Variants in NEB observed in about 807,000 individuals in gnomAD.
NEB encodes nebulin, also known as nemaline myopathy type 2.
Under a neutral mutation model 952.2 loss-of-function variants are expected in NEB, and 512 were observed. The observed-to-expected ratio is 0.54, with a 90% CI of 0.50 to 0.58. The LOEUF is 0.58. Ranked by LOEUF, NEB falls within the 20% of genes least tolerant of loss-of-function variation. The pLI is 0.00. For synonymous variants in NEB, 2,900 were observed against 3,149.8 expected, an observed-to-expected ratio of 0.92 and a Z score of 2.66; for missense variants, 8,428 against 9,231.1, an observed-to-expected ratio of 0.91 and a Z score of 3.56.
chr2:151,626,932 AC>A, intron 70 of NEB, 69 bp downstream of exon 70: 2 of 1,548,012 alleles, frequency 1.3e-6, no homozygotes, highest in South Asian at 2.3e-5. Context: ...AAAGAGACTA[AC>A]TTAATTAACA....
In NEB at chr2:151,592,147, A is replaced by T. The variant is rs1274123930; in HGVS notation, c.14722-9T>A. 2 of 1,549,556 alleles carry T rather than the reference A, an allele frequency of 1.3e-6. No homozygotes were observed. Among genetic ancestry groups the T allele is most frequent in the Admixed American group, 3.9e-5 (2 of 51,008 alleles). ...GCATTGCGATACAATGGCTGGGAAAAATGAAAAACGATGGAATGGTCAATT... is the reference window on the plus strand; with the variant it reads ...GCATTGCGATACAATGGCTGGGAAATATGAAAAACGATGGAATGGTCAATT... On this transcript the variant is annotated splice_polypyrimidine_tract_variant and intron_variant, in intron 94 of 181. Coordinates refer to ENST00000397345, the MANE Select transcript of NEB (RefSeq NM_001164508.2).
Position 151,553,896 on chromosome 2 carries a change from C to T in NEB, c.19558G>A (p.Glu6520Lys), listed in dbSNP as rs753229810. Residue 6520 changes from glutamate to lysine, a missense_variant, in exon 126 of 182, where the codon GAA becomes AAA. Glu to Lys is a moderately conservative substitution (Grantham distance 56). Transcript: ENST00000397345. The stretch of plus-strand genomic sequence containing the variant: ...TGCAAGTCGGGGTGGCAAATCCATT[C>T]GTGGAGGCGCAGGCGGTAATCAATC... Reference protein sequence around the residue: ...SEIDYRLRLHEWICHPDLQVN... With the variant: ...SEIDYRLRLHKWICHPDLQVN... The T allele has an allele frequency of 5.6e-6, 9 of 1,613,810 alleles. No individual in the cohort carries two copies. Among genetic ancestry groups the T allele is most frequent in the South Asian group, 1.1e-5 (1 of 91,068 alleles).
Position 151,688,323 on chromosome 2 carries a change from T to C in NEB, c.2384A>G (p.Gln795Arg). 2.5e-6 allele frequency: 4 copies of C among 1,613,850 alleles called. No homozygotes were observed. Residue 795 changes from glutamine (Q) to arginine (R), a missense_variant, in exon 25 of 182, where the codon CAA becomes CGA. Around this residue, in one of 11 missense-constraint regions of NEB, gnomAD observed 2,851 missense variants for 2,791.5 expected, o/e 1.02. Transcript: ENST00000397345. ...CAGATTATAGGCATTGACTCTGTGT[T>C]GGATAAACTGTGGAGCATCTGCTGG... ...HIPADAPQFI[Q>R]HRVNAYNLSD...
At position 151,650,594 on chromosome 2, in the gene NEB, C is replaced by T. The variant is rs2099019975; in HGVS notation, c.7207G>A (p.Val2403Ile). 1.3e-6 allele frequency: 2 copies of T among 1,579,388 alleles called. No homozygotes were observed. Among genetic ancestry groups the T allele is most frequent in the Non-Finnish European group, 1.7e-6 (2 of 1,163,942 alleles). ...DQNDVVQAKK[V>I]YELQSENLYK... ...CTGACCTCACTTTGCAGTTCATAAA[C>T]TTTCTTAGCTTGCACAACATCGTTC... Residue 2403 changes from valine (V) to isoleucine (I), a missense_variant, in exon 53 of 182, where the codon GTT becomes ATT. Coordinates refer to ENST00000397345, the MANE Select transcript of NEB (RefSeq NM_001164508.2).
At chr2:151,551,893 G>C (rs995113648) in intron 128 of NEB, 48 bp from the exon 129 acceptor site, 24 of 1,370,328 alleles carry the variant, frequency 1.8e-5, no homozygotes, top group Non-Finnish European at 2.4e-5. Context: ...TGGGAACCCA[G>C]GTTCCTCTTT....
intron 52 of NEB, among the ~76,000 whole-genome samples, chr2:151,653,768 A>G (rs550671525): frequency 5.0e-4 from 76 of 152,254 alleles, no homozygotes; most frequent in Non-Finnish European, 8.7e-4. Flanking sequence ...ATCTTACTCT[A>G]ATGGATCTTA....
chr2:151,730,383 T>C (rs1202121581), intron 3 of NEB, among the ~76,000 whole-genome samples: 1 of 152,128 alleles, frequency 6.6e-6, no homozygotes, highest in African/African-American at 2.4e-5. Context: ...GCCTGCATGA[T>C]GGATCTGCAG....
In NEB at chr2:151,583,936, T is replaced by G. The variant is rs1210216429; in HGVS notation, c.15664-170A>C. Among the ~76,000 whole-genome samples the G allele has an allele frequency of 9.4e-5, 12 of 128,242 alleles. 1 individual carries two copies. The highest frequency in any genetic ancestry group is 8.6e-4 in the Admixed American group (11 of 12,820). 84.1% of individuals were successfully genotyped at this position (128,242 alleles called of 152,430 possible). The stretch of plus-strand genomic sequence containing the variant: ...TTTAAAGAAGTTAGATAATACGATT[T>G]TGGGTCATTTCAGAGAGGACATGAG... On this transcript the variant is annotated intron_variant, in intron 100 of 181. Coordinates refer to ENST00000397345, the MANE Select transcript of NEB (RefSeq NM_001164508.2).
rs775336786 is a variant in NEB, at chr2:151,650,616, G to A, written c.7185C>T (p.Asn2395=). 34 of 1,605,948 alleles carry A rather than the reference G, an allele frequency of 2.1e-5. No individual in the cohort carries two copies. The highest frequency in any genetic ancestry group is 2.7e-5 in the African/African-American group (2 of 74,722). The change falls in exon 53 of 182, where the codon AAC becomes AAT. Residue 2395 remains asparagine (N), a synonymous_variant. Coordinates refer to ENST00000397345, the MANE Select transcript of NEB (RefSeq NM_001164508.2). ...AAACTTTCTTAGCTTGCACAACATC[G>A]TTCTGATCAGGCAGACATGTCCACT... The part of the protein sequence containing the change: ...LHQWTCLPDQ[N]DVVQAKKVYE...
intron 157 of NEB, 40 bp from the exon 158 acceptor site, chr2:151,514,968 C>G: frequency 1.5e-6 from 2 of 1,303,682 alleles, no homozygotes; most frequent in Non-Finnish European, 2.2e-6. Flanking sequence ...AAAAAAAAAT[C>G]TTTATTACAA....
At chr2:151,500,540 TA>T (rs1364834917) in intron 168 of NEB, among the ~76,000 whole-genome samples, 4 of 151,608 alleles carry the variant, frequency 2.6e-5, no homozygotes, top group Admixed American at 6.6e-5. Context: ...CCTGGATTTC[TA>T]TTCATGAAAT....
chr2:151,570,013 T>A (rs879372790), intron 109 of NEB, 68 bp downstream of exon 109: 16 of 1,432,438 alleles, frequency 1.1e-5, no homozygotes, highest in African/African-American at 2.8e-5. Context: ...AAGGGGTTAG[T>A]GTCATAAACT....
At chr2:151,660,039 AC>A (rs2099129409) in intron 46 of NEB, among the ~76,000 whole-genome samples, 1 of 152,152 alleles carries the variant, frequency 6.6e-6, no homozygotes, top group South Asian at 2.1e-4. Context: ...TGATTCCCCA[AC>A]TTTTGGCAAA....
At position 151,545,575 on chromosome 2, in the gene NEB, CA is replaced by C. The variant is rs566474049; in HGVS notation, c.20577+312del. ...GGGCAACAAGAGCAAAACTCCATCT[CA>C]AAAAAAAAAAGAAAAAGAAAGGTCT... is the stretch of plus-strand genomic sequence containing the variant. On this transcript the variant is annotated intron_variant, in intron 135 of 181. Transcript: ENST00000397345. Among the ~76,000 whole-genome samples the C allele has an allele frequency of 5.7e-3, 775 of 135,144 alleles. 1 individual carries two copies. The highest frequency in any genetic ancestry group is 7.5e-3 in the Non-Finnish European group (467 of 62,238). 88.7% of individuals were successfully genotyped at this position (135,144 alleles called of 152,430 possible).
At position 151,610,065 on chromosome 2, in the gene NEB, C is replaced by T. The variant is rs767858255; in HGVS notation, c.12074G>A (p.Ser4025Asn). 3 of 1,613,838 alleles carry T rather than the reference C, an allele frequency of 1.9e-6. No homozygotes were observed. The highest frequency in any genetic ancestry group is 1.7e-5 in the Admixed American group (1 of 60,004). Residue 4025 changes from serine to asparagine, a missense_variant, in exon 81 of 182, where the codon AGC (serine) becomes AAC (asparagine). Ser to Asn is a conservative substitution (Grantham distance 46). This residue lies in a region of NEB where 337 missense variants were observed against 297.5 expected (regional missense o/e 1.13). Transcript: ENST00000397345. ...CATAATCTTGGGATCATCTTCAATGCTCTGGGCTCCAATGTGGTGGCCTTT... is the reference window on the plus strand; with the variant it reads ...CATAATCTTGGGATCATCTTCAATGTTCTGGGCTCCAATGTGGTGGCCTTT... ...KQKGHHIGAQSIEDDPKIMCA... is the reference protein window; with the variant it reads ...KQKGHHIGAQNIEDDPKIMCA...
chr2:151,533,329 C>T, intron 143 of NEB, 113 bp downstream of exon 143: 1 of 697,690 alleles, frequency 1.4e-6, no homozygotes, highest in Non-Finnish European at 2.4e-6. Context: ...CATAGCTTTA[C>T]CATATGAAGC....
chr2:151,514,727 G>T, intron 158 of NEB, 91 bp downstream of exon 158: 2 of 905,696 alleles, frequency 2.2e-6, no homozygotes, highest in Non-Finnish European at 1.7e-6. Context: ...CAGTTAGGTG[G>T]TGATGTAAAT....
chr2:151,621,737 C>G (rs746244049), intron 71 of NEB, among the ~76,000 whole-genome samples: 2 of 152,276 alleles, frequency 1.3e-5, no homozygotes, highest in Non-Finnish European at 2.9e-5. Context: ...TCATATATAC[C>G]AATGGCTTTT....
Position 151,614,260 on chromosome 2 carries a change from T to A in NEB, c.11601+16A>T. 1.2e-6 allele frequency: 2 copies of A among 1,610,006 alleles called. No homozygotes were observed. Among genetic ancestry groups the A allele is most frequent in the Non-Finnish European group, 1.7e-6 (2 of 1,176,666 alleles). On this transcript the variant is annotated intron_variant, in intron 77 of 181. Coordinates refer to ENST00000397345, the MANE Select transcript of NEB (RefSeq NM_001164508.2). ...GCTTTTCTAAACCATTACTGAAGAA[T>A]ATTAGAGCCACTCACATCACTCTGC...
Sources: gnomAD v4.1 joint callset for allele counts (sites outside exome capture counted in the v4.1 genomes callset) on GRCh38, gnomAD v4.1.1 for gene constraint, gnomAD v4.1.1 regional missense constraint, MANE v1.5 for transcripts, NCBI Gene and HGNC (gene_info 2026-07-23, HGNC 2026-07-21) for gene names.